The following ZNF808 variants were observed in gnomAD, a reference collection of about 807,000 sequenced individuals.
The protein encoded by ZNF808 is zinc finger protein 808.
ZNF808 carries 5 observed loss-of-function variants against 8.7 expected under a neutral mutation model. The ratio of observed to expected loss-of-function variants is 0.58; its 90% CI spans 0.30 to 1.21. The LOEUF (loss-of-function observed/expected upper bound fraction) is 1.21, where lower values mean the gene tolerates loss of function less well. ZNF808 is among the 50% of genes most tolerant of loss of function. The pLI, the probability that ZNF808 is intolerant of heterozygous loss-of-function variation, is 0.07. For synonymous variants in ZNF808, 380 were observed against 366.0 expected, an observed-to-expected ratio of 1.04 and a Z score of -0.44; for missense variants, 1,103 against 1,098.4, an observed-to-expected ratio of 1.00 and a Z score of -0.06.
intron 3 of ZNF808, 149 bp from the exon 4 acceptor site, chr19:52,547,363 C>T (rs750840947): frequency 6.7e-5 from 98 of 1,466,428 alleles, no homozygotes; most frequent in Non-Finnish European, 7.7e-5. Flanking sequence ...TGCAACTATA[C>T]GGAAAAAATA....
At chr19:52,544,045 G>A (rs2059698086) in intron 3 of ZNF808, among the ~76,000 whole-genome samples, 1 of 152,108 alleles carries the variant, frequency 6.6e-6, no homozygotes, top group African/African-American at 2.4e-5. Flanking sequence ...TGTAATCTCA[G>A]CTACTCAGGA....
downstream of ZNF808, among the ~76,000 whole-genome samples, chr19:52,560,437 G>T (rs2059852744): frequency 6.6e-6 from 1 of 151,934 alleles, no homozygotes; most frequent in African/African-American, 2.4e-5. Flanking sequence ...TTCATACTCA[G>T]CCAAGGGATC....
chr19:52,552,763 A>G (rs2059790331), intron 4 of ZNF808, among the ~76,000 whole-genome samples: 1 of 150,228 alleles, frequency 6.7e-6, no homozygotes, highest in Admixed American at 6.7e-5. Context: ...TATGAAGAAT[A>G]TATATTTTTC....
intron 4 of ZNF808, among the ~76,000 whole-genome samples, chr19:52,552,406 T>A (rs2059786295): frequency 6.6e-6 from 1 of 151,280 alleles, no homozygotes; most frequent in Non-Finnish European, 1.5e-5. Flanking sequence ...TGTACTAACT[T>A]TTTTCTTTTT....
Position 52,554,693 on chromosome 19 carries a change from A to G in ZNF808, c.1777A>G (p.Lys593Glu), listed in dbSNP as rs1467687431. The G allele has an allele frequency of 3.7e-6, 6 of 1,613,950 alleles. No homozygotes were observed. Among genetic ancestry groups the G allele is most frequent in the East Asian group, 2.2e-5 (1 of 44,882 alleles). Reference protein sequence around the residue: ...SRHRRLHTGEKPYKCEACDKV... With the variant: ...SRHRRLHTGEEPYKCEACDKV... The stretch of plus-strand genomic sequence containing the variant: ...TCATCGTAGACTTCATACTGGAGAG[A>G]AACCTTACAAATGTGAAGCATGTGA... Residue 593 changes from lysine to glutamate, a missense_variant, in exon 5 of 5, where the codon AAA (lysine) becomes GAA (glutamate). By Grantham distance (56) the Lys-to-Glu change is moderately conservative. Transcript: ENST00000359798.
intron 4 of ZNF808, among the ~76,000 whole-genome samples, chr19:52,551,846 C>T (rs1423855465): frequency 1.3e-5 from 2 of 151,720 alleles, no homozygotes; most frequent in Non-Finnish European, 1.5e-5. Flanking sequence ...CTACTAAAAA[C>T]ACAAAAATTA....
rs150046435 is a variant in ZNF808, at chr19:52,545,629, T to C, written c.64-1883T>C. Among the ~76,000 whole-genome samples, 1,138 of 152,044 alleles carry C rather than the reference T, an allele frequency of 7.5e-3. 15 individuals carry two copies. Among genetic ancestry groups the C allele is most frequent in the African/African-American group, 0.026 (1,077 of 41,480 alleles). On this transcript the variant is annotated intron_variant, in intron 3 of 4. Coordinates refer to ENST00000359798, the MANE Select transcript of ZNF808 (RefSeq NM_001039886.4). ...CCTGTCGCTGCTAAATATACAAAAA[T>C]TAGATGGATGTGGTGGCAGGTGCCT...
chr19:52,536,551 G>C (rs1262864005), intron 2 of ZNF808, among the ~76,000 whole-genome samples: 25 of 152,052 alleles, frequency 1.6e-4, no homozygotes, highest in Non-Finnish European at 4.4e-5. Flanking sequence ...TCTTCCCTTC[G>C]CAGTCACCGC....
chr19:52,558,017 CTTTTTTTTT>C (rs66789100), downstream of ZNF808, among the ~76,000 whole-genome samples: 44 of 46,362 alleles, frequency 9.5e-4, no homozygotes, highest in Admixed American at 1.6e-3. Context: ...CTAGGTGTGG[CTTTTTTTTT>C]TTTTTTTTTT....
intron 2 of ZNF808, among the ~76,000 whole-genome samples, chr19:52,536,887 A>G (rs1041714112): frequency 3.9e-5 from 6 of 152,106 alleles, no homozygotes; most frequent in Non-Finnish European, 8.8e-5. Flanking sequence ...GAGAAGGAGC[A>G]ACAAGAGGTT....
Position 52,555,760 on chromosome 19 carries a change from T to A in ZNF808, c.*132T>A. 2 of 1,339,936 alleles carry A rather than the reference T, an allele frequency of 1.5e-6. No homozygotes were observed. Among genetic ancestry groups the A allele is most frequent in the South Asian group, 2.6e-5 (2 of 77,734 alleles). The allele number at this position is 1,339,936 out of a possible 1,614,324, so 83.0% of individuals were successfully genotyped here. A position where few individuals can be genotyped will look rare whatever the true frequency, so the allele number is the denominator to read the frequency against. On this transcript the variant is annotated 3_prime_UTR_variant, in exon 5 of 5. Coordinates refer to ENST00000359798, the MANE Select transcript of ZNF808 (RefSeq NM_001039886.4). Reference sequence around the variant, plus strand: ...TCAGACATTGTTCATACATTGCAGTTCATTGGCAACCTCATACTGGAGAGA... The same window carrying A: ...TCAGACATTGTTCATACATTGCAGTACATTGGCAACCTCATACTGGAGAGA...
chr19:52,558,441 G>A (rs1010615025), downstream of ZNF808, among the ~76,000 whole-genome samples: 4 of 150,768 alleles, frequency 2.7e-5, no homozygotes, highest in African/African-American at 7.3e-5. Flanking sequence ...GTGTGATCTC[G>A]GCTCACTGCA....
intron 4 of ZNF808, among the ~76,000 whole-genome samples, chr19:52,549,342 C>T (rs1284395196): frequency 2.0e-5 from 3 of 152,144 alleles, no homozygotes; most frequent in African/African-American, 7.2e-5. Context: ...CCCCCATGGT[C>T]TACTGTACTC....
chr19:52,549,047 A>T (rs1478022661), intron 4 of ZNF808, among the ~76,000 whole-genome samples: 1 of 151,948 alleles, frequency 6.6e-6, no homozygotes. Context: ...GTGTAATCTC[A>T]GCTCACTGTA....
chr19:52,561,348 A>G (rs2059857688), intron 3 of ZNF808, among the ~76,000 whole-genome samples: 1 of 151,572 alleles, frequency 6.6e-6, no homozygotes, highest in South Asian at 2.1e-4. Flanking sequence ...TTAATTCATC[A>G]TACTTCTTTC....
chr19:52,561,121 C>CTCA (rs1478393566), downstream of ZNF808, among the ~76,000 whole-genome samples: 2 of 137,922 alleles, frequency 1.5e-5, no homozygotes, highest in East Asian at 4.0e-4. Flanking sequence ...TGTGTCCCAG[C>CTCA]TCAGCCCTTG....
downstream of ZNF808, chr19:52,556,472 A>T (rs2059836779): frequency 6.6e-6 from 1 of 152,040 alleles, no homozygotes; most frequent in African/African-American, 2.4e-5. Flanking sequence ...GATTACAGGC[A>T]TGTGCCACCA....
At chr19:52,547,728 C>G in intron 4 of ZNF808, 90 bp downstream of exon 4, 1 of 1,524,644 alleles carries the variant, frequency 6.6e-7, no homozygotes, top group Non-Finnish European at 8.7e-7. Flanking sequence ...GATTTTGCCC[C>G]ATCCATGCTG....
At position 52,554,888 on chromosome 19, in the gene ZNF808, A is replaced by C. The variant is rs762381698; in HGVS notation, c.1972A>C (p.Lys658Gln). The C allele has an allele frequency of 2.5e-6, 4 of 1,614,236 alleles. No individual in the cohort carries two copies. The highest frequency in any genetic ancestry group is 2.5e-6 in the Non-Finnish European group (3 of 1,180,034). ...AACTTACAAGTGTAATGAGTGTGGG[A>C]AGACCTTCAGTTACAAGTCATCACT... ...EKTYKCNECG[K>Q]TFSYKSSLVW... Residue 658 changes from lysine (K) to glutamine (Q), a missense_variant, in exon 5 of 5, where the codon AAG (lysine) becomes CAG (glutamine). Coordinates refer to ENST00000359798, the MANE Select transcript of ZNF808 (RefSeq NM_001039886.4).
Sources: gnomAD v4.1 joint callset for allele counts (sites outside exome capture counted in the v4.1 genomes callset) on GRCh38, gnomAD v4.1.1 for gene constraint, MANE v1.5 for transcripts, NCBI Gene and HGNC (gene_info 2026-07-23, HGNC 2026-07-21) for gene names.